CHD9: variants seen among roughly 807,000 people sequenced by gnomAD.
CHD9 encodes chromodomain helicase DNA binding protein 9.
CHD9 carries 77 observed loss-of-function variants against 316.1 expected under a neutral mutation model. The ratio of observed to expected loss-of-function variants is 0.24; its 90% CI spans 0.20 to 0.29. The LOEUF is 0.29. Ranked by LOEUF, CHD9 falls within the 10% of genes least tolerant of loss-of-function variation. The pLI is 1.00. For missense variants in CHD9, 2,763 were observed against 3,438.1 expected (o/e 0.80, Z 4.91); for synonymous variants, 1,129 against 1,158.3 (o/e 0.97, Z 0.51).
intron 4 of CHD9, among the ~76,000 whole-genome samples, chr16:53,225,746 A>G (rs1310905528): frequency 6.6e-6 from 1 of 151,966 alleles, no homozygotes; most frequent in East Asian, 1.9e-4. Flanking sequence ...ATGCTTTCTT[A>G]TTTTGTGCAT....
At chr16:53,221,314 A>T (rs182679992) in intron 3 of CHD9, among the ~76,000 whole-genome samples, 1 of 152,358 alleles carries the variant, frequency 6.6e-6, no homozygotes, top group African/African-American at 2.4e-5. Context: ...AGATAGGTAC[A>T]TGGTGGAGTC....
intron 1 of CHD9, among the ~76,000 whole-genome samples, chr16:53,130,211 G>C (rs1408192175): frequency 1.3e-5 from 2 of 151,850 alleles, no homozygotes; most frequent in Admixed American, 1.3e-4. Context: ...GCTGGCACCT[G>C]GGCTCAATCG....
At chr16:53,127,892 G>A (rs541071620) in intron 1 of CHD9, among the ~76,000 whole-genome samples, 2 of 139,050 alleles carry the variant, frequency 1.4e-5, no homozygotes, top group African/African-American at 5.4e-5. Context: ...GCAGTTAGCC[G>A]AGATCATTCC....
At chr16:53,153,883 G>T (rs1380058858) in intron 1 of CHD9, among the ~76,000 whole-genome samples, 1 of 152,106 alleles carries the variant, frequency 6.6e-6, no homozygotes, top group Non-Finnish European at 1.5e-5. Flanking sequence ...AAGCTGATCA[G>T]AAATACTTCA....
chr16:53,272,244 A>T (rs553949533), intron 22 of CHD9, among the ~76,000 whole-genome samples: 1 of 74,890 alleles, frequency 1.3e-5, no homozygotes, highest in African/African-American at 5.5e-5. Context: ...CAATTGGAAT[A>T]AAAAAAAAGG....
At chr16:53,271,187 C>A (rs1489792897) in intron 22 of CHD9, among the ~76,000 whole-genome samples, 1 of 151,750 alleles carries the variant, frequency 6.6e-6, no homozygotes, top group African/African-American at 2.4e-5. Context: ...TCCCTATCAC[C>A]TTTTTTATTT....
intron 19 of CHD9, among the ~76,000 whole-genome samples, chr16:53,256,647 CTT>C (rs58475752): frequency 1.9e-4 from 27 of 142,036 alleles, no homozygotes; most frequent in Non-Finnish European, 2.5e-4. Flanking sequence ...TTTCTCTCTC[CTT>C]TTTTTTTTTT....
intron 10 of CHD9, among the ~76,000 whole-genome samples, chr16:53,232,990 C>T (rs2048313076): frequency 6.6e-6 from 1 of 152,166 alleles, no homozygotes; most frequent in Non-Finnish European, 1.5e-5. Context: ...TTCTGTAACC[C>T]CAAAATATGT....
intron 2 of CHD9, among the ~76,000 whole-genome samples, chr16:53,170,189 A>G (rs2042599218): frequency 6.6e-6 from 1 of 152,054 alleles, no homozygotes; most frequent in Non-Finnish European, 1.5e-5. Context: ...CACCTTTGTA[A>G]TTAATCACGG....
intron 1 of CHD9, among the ~76,000 whole-genome samples, chr16:53,131,477 G>GCCCGCCCGCGGCCCGC (rs2039304622): frequency 6.9e-6 from 1 of 145,458 alleles, no homozygotes; most frequent in African/African-American, 2.5e-5. Context: ...GTGCGGCCCA[G>GCCCGCCCGCGGCCCGC]CCCGCCCGCG....
At chr16:53,288,295 C>G (rs995083031) in intron 27 of CHD9, among the ~76,000 whole-genome samples, 2 of 152,050 alleles carry the variant, frequency 1.3e-5, no homozygotes, top group Admixed American at 6.5e-5. Context: ...AACACAGTGT[C>G]CAAGGGCAAA....
chr16:53,096,384 A>C (rs934535928), intron 1 of CHD9, among the ~76,000 whole-genome samples: 1 of 152,220 alleles, frequency 6.6e-6, no homozygotes, highest in Non-Finnish European at 1.5e-5. Context: ...TGGTGCAAAA[A>C]TAATTGCGAT....
intron 17 of CHD9, 184 bp downstream of exon 17, chr16:53,250,250 A>G: frequency 1.7e-6 from 1 of 571,798 alleles, no homozygotes; most frequent in Non-Finnish European, 3.0e-6. Flanking sequence ...TATAATGACA[A>G]AAATTTTTAC....
chr16:53,282,527 G>A (rs533332745), intron 24 of CHD9, among the ~76,000 whole-genome samples: 2 of 152,216 alleles, frequency 1.3e-5, no homozygotes, highest in East Asian at 3.9e-4. Flanking sequence ...GATCACATAA[G>A]CCCAGAGAGG....
intron 22 of CHD9, among the ~76,000 whole-genome samples, chr16:53,273,160 G>C (rs950459348): frequency 6.6e-6 from 1 of 152,022 alleles, no homozygotes; most frequent in Non-Finnish European, 1.5e-5. Context: ...GTGGCAGTAC[G>C]TTTTTGTAGT....
intron 2 of CHD9, among the ~76,000 whole-genome samples, chr16:53,202,666 T>A (rs539076168): frequency 6.6e-6 from 1 of 152,180 alleles, no homozygotes; most frequent in East Asian, 1.9e-4. Context: ...AAACAAAACT[T>A]GTATGAACAT....
At chr16:53,182,444 T>G (rs534648904) in intron 2 of CHD9, among the ~76,000 whole-genome samples, 48 of 152,332 alleles carry the variant, frequency 3.2e-4, no homozygotes, top group Non-Finnish European at 6.0e-4. Context: ...ATTTTATTCT[T>G]CATTGGTTAG....
chr16:53,268,816 T>G (rs1320713857), intron 22 of CHD9, among the ~76,000 whole-genome samples: 2 of 152,144 alleles, frequency 1.3e-5, no homozygotes, highest in Admixed American at 6.5e-5. Flanking sequence ...TTTTGTTTAT[T>G]ATTTGAGACA....
chr16:53,113,758 C>T (rs560247320), intron 1 of CHD9, among the ~76,000 whole-genome samples: 20 of 152,018 alleles, frequency 1.3e-4, no homozygotes, highest in African/African-American at 4.1e-4. Context: ...TGGAGTGTAG[C>T]GGCACGATTG....
Sources: allele counts gnomAD v4.1 joint callset (sites outside exome capture counted in the v4.1 genomes callset), GRCh38; gene constraint gnomAD v4.1.1; transcripts MANE v1.5; gene names NCBI Gene and HGNC (gene_info 2026-07-23, HGNC 2026-07-21).